The following BOC variants were observed in gnomAD, a reference collection of about 807,000 sequenced individuals.
BOC encodes brother of CDO.
A neutral mutation model predicts 112.0 loss-of-function variants in BOC; 76 were observed. That is an observed-to-expected ratio of 0.68 (90% CI 0.56 to 0.82). The LOEUF (loss-of-function observed/expected upper bound fraction) is 0.82, where lower values mean the gene tolerates loss of function less well. Ranked by LOEUF, BOC falls within the 40% of genes least tolerant of loss-of-function variation. The pLI, the probability that BOC is intolerant of heterozygous loss-of-function variation, is 0.00. For synonymous variants in BOC, 580 were observed against 599.8 expected (o/e 0.97, Z 0.48); for missense variants, 1,309 against 1,511.7 (o/e 0.87, Z 2.22).
rs757495043 is a variant in BOC at position 113,286,808 on chromosome 3, C to G, written c.3294C>G (p.Leu1098=). 6.2e-7 allele frequency: 1 copy of G among 1,611,212 alleles called. No individual in the cohort carries two copies. Among genetic ancestry groups the G allele is most frequent in the Non-Finnish European group, 8.5e-7 (1 of 1,178,866 alleles). ...TAGGACAGGAACCTGGAATGCAGCT[C>G]TCCCCGGGGCCACTGGTGCGTGTGT... ...AYVGQEPGMQ[L]SPGPLVRVSF... The change falls in exon 20 of 20, where the codon CTC becomes CTG. Residue 1098 remains leucine, a synonymous_variant. Transcript: ENST00000682979.
Position 113,285,298 on chromosome 3 carries a change from C to A in BOC, c.2967-74C>A. 5 of 1,468,652 alleles carry A rather than the reference C, an allele frequency of 3.4e-6. No homozygotes were observed. The South Asian group carries it at 3.5e-5, about 10-fold the overall frequency. 91.0% of individuals were successfully genotyped at this position (1,468,652 alleles called of 1,614,324 possible). ...GCTCTGATGCCCTCAGACAGGGAGA[C>A]AGCCAGCAGGGGGATGGGGCGACAG... On this transcript the variant is annotated intron_variant, in intron 18 of 19. Coordinates refer to ENST00000682979, the MANE Select transcript of BOC (RefSeq NM_001378074.1).
chr3:113,224,183 C>T (rs1248547776), intron 2 of BOC, among the ~76,000 whole-genome samples: 2 of 152,210 alleles, frequency 1.3e-5, no homozygotes, highest in Non-Finnish European at 2.9e-5. Context: ...TGGTGGCAGG[C>T]CACAGATCCC....
At chr3:113,276,629 T>A (rs749023344) in intron 9 of BOC, among the ~76,000 whole-genome samples, 1 of 152,252 alleles carries the variant, frequency 6.6e-6, no homozygotes, top group Non-Finnish European at 1.5e-5. Flanking sequence ...CTTCTCTTGC[T>A]GGGGATTGGG....
intron 2 of BOC, among the ~76,000 whole-genome samples, chr3:113,217,202 G>A (rs77607932): frequency 0.024 from 3,663 of 152,290 alleles, 48 homozygotes; most frequent in Admixed American, 0.029. Flanking sequence ...GGGTTGAAGT[G>A]CTTGGAATGG....
intron 7 of BOC, 88 bp downstream of exon 7, chr3:113,272,791 G>A: frequency 6.8e-7 from 1 of 1,480,096 alleles, no homozygotes; most frequent in Non-Finnish European, 9.2e-7. Context: ...CTCACAAAGG[G>A]TTAGCATCTT....
intron 2 of BOC, among the ~76,000 whole-genome samples, chr3:113,218,211 G>A (rs34722199): frequency 0.29 from 43,367 of 152,124 alleles, 6,625 homozygotes; most frequent in South Asian, 0.38. Flanking sequence ...CCAAGTCTAC[G>A]TTGGAACTGG....
At position 113,225,286 on chromosome 3, in the gene BOC, C is replaced by CA. The variant is rs1359097470; in HGVS notation, c.-82+9021dup. ...AAGACCTTGTCAAAAAAAAAAACAA[C>CA]AAAAAAAAACCCCAACTTCTGTTTG... On this transcript the variant is annotated intron_variant, in intron 2 of 19. Transcript: ENST00000682979. 2.3e-3 allele frequency among the ~76,000 whole-genome samples: 345 copies of CA among 147,704 alleles called. 2 individuals carry two copies. Among genetic ancestry groups the CA allele is most frequent in the Non-Finnish European group, 3.9e-3 (266 of 67,370 alleles).
At chr3:113,236,264 GTGTATA>G (rs1264878069) in intron 2 of BOC, among the ~76,000 whole-genome samples, 977 of 25,510 alleles carry the variant, frequency 0.038, 80 homozygotes, top group African/African-American at 0.11. Context: ...GTGTGTGTGT[GTGTATA>G]TATACCCATG....
chr3:113,265,575 A>C (rs1947387927), intron 4 of BOC, among the ~76,000 whole-genome samples: 1 of 152,216 alleles, frequency 6.6e-6, no homozygotes, highest in Admixed American at 6.5e-5. Context: ...GCATTTTTTA[A>C]GTGAATTGCT....
At chr3:113,255,876 C>A (rs1190217178) in intron 4 of BOC, among the ~76,000 whole-genome samples, 1 of 152,156 alleles carries the variant, frequency 6.6e-6, no homozygotes, top group African/African-American at 2.4e-5. Flanking sequence ...AAATGAAGGG[C>A]CAAACTGGTA....
Position 113,216,244 on chromosome 3 carries a change from G to C in BOC, c.-112G>C. The C allele has an allele frequency of 2.2e-6, 1 of 456,568 alleles. No individual in the cohort carries two copies. Among genetic ancestry groups the C allele is most frequent in the Non-Finnish European group, 4.4e-6 (1 of 226,948 alleles). The allele number at this position is 456,568 out of a possible 1,614,324, so 28.3% of individuals were successfully genotyped here. On this transcript the variant is annotated 5_prime_UTR_variant, in exon 2 of 20. Transcript: ENST00000682979. ...ATGAAGTCTTGTCGACATTTATACC[G>C]TCTGAGGGTAGCAGCTCGAAAGTAG...
intron 2 of BOC, among the ~76,000 whole-genome samples, chr3:113,232,266 G>C (rs1157102576): frequency 6.6e-6 from 1 of 152,222 alleles, no homozygotes; most frequent in Non-Finnish European, 1.5e-5. Flanking sequence ...GTTGGGGAGA[G>C]CTGGCAGGGG....
At chr3:113,279,201 A>C in intron 11 of BOC, 48 bp from the exon 12 acceptor site, 1 of 1,579,796 alleles carries the variant, frequency 6.3e-7, no homozygotes, top group Non-Finnish European at 8.7e-7. Context: ...TTCCTTCCTC[A>C]CGTCATCTCA....
chr3:113,219,626 A>T (rs1033952838), intron 2 of BOC, among the ~76,000 whole-genome samples: 4 of 152,226 alleles, frequency 2.6e-5, no homozygotes, highest in African/African-American at 9.6e-5. Flanking sequence ...TAGCTTCGGG[A>T]AAACTGTCTT....
At chr3:113,224,499 T>A (rs1290522103) in intron 2 of BOC, among the ~76,000 whole-genome samples, 1 of 148,914 alleles carries the variant, frequency 6.7e-6, no homozygotes. Flanking sequence ...GAATGAGGAA[T>A]CTCTTCCAAG....
At chr3:113,244,287 A>G (rs1005632073) in intron 2 of BOC, among the ~76,000 whole-genome samples, 4 of 144,624 alleles carry the variant, frequency 2.8e-5, no homozygotes, top group Middle Eastern at 3.6e-3. Flanking sequence ...GGTAGAGTAT[A>G]GCAATATTTT....
At chr3:113,267,492 C>T (rs1011784822) in intron 4 of BOC, among the ~76,000 whole-genome samples, 1 of 152,318 alleles carries the variant, frequency 6.6e-6, no homozygotes, top group East Asian at 1.9e-4. Flanking sequence ...CCATAGTCCA[C>T]TGCCATTAAG....
chr3:113,273,257 G>C lies in BOC; in HGVS notation c.1150G>C (p.Glu384Gln), dbSNP rs369070396. The C allele has an allele frequency of 1.2e-6, 2 of 1,613,034 alleles. No individual in the cohort carries two copies. Among genetic ancestry groups the C allele is most frequent in the African/African-American group, 2.7e-5 (2 of 74,952 alleles). ...RALRVLSMGP[E>Q]DEGVYQCMAE... ...CCTGCGCGTGCTCAGCATGGGGCCT[G>C]AGGACGAAGGCGTCTACCAGTGCAT... is the stretch of plus-strand genomic sequence containing the variant. Residue 384 changes from glutamate to glutamine, a missense_variant, in exon 8 of 20, where the codon GAG becomes CAG. By Grantham distance (29) the Glu-to-Gln change is conservative. Coordinates refer to ENST00000682979, the MANE Select transcript of BOC (RefSeq NM_001378074.1).
At chr3:113,269,092 C>A (rs1947829926) in intron 5 of BOC, among the ~76,000 whole-genome samples, 1 of 152,230 alleles carries the variant, frequency 6.6e-6, no homozygotes, top group South Asian at 2.1e-4. Context: ...CCTCCAGGCA[C>A]ACACAGGAAG....
Sources: gnomAD v4.1 joint callset for allele counts (sites outside exome capture counted in the v4.1 genomes callset) on GRCh38, gnomAD v4.1.1 for gene constraint, MANE v1.5 for transcripts, NCBI Gene and HGNC (gene_info 2026-07-23, HGNC 2026-07-21) for gene names.